Variants in SETBP1 observed in about 807,000 individuals in gnomAD.
SETBP1 encodes SET binding protein 1, also known as SET-binding protein.
Under a neutral mutation model 101.0 loss-of-function variants are expected in SETBP1, and 9 were observed. The ratio of observed to expected loss-of-function variants is 0.09; its 90% CI spans 0.05 to 0.16. SETBP1 has a LOEUF of 0.16. SETBP1 is among the 10% of genes least tolerant of loss of function. The pLI, the probability that SETBP1 is intolerant of heterozygous loss-of-function variation, is 1.00. For synonymous variants in SETBP1, 818 were observed against 788.5 expected, an observed-to-expected ratio of 1.04 and a Z score of -0.63; for missense variants, 1,858 against 2,033.8, an observed-to-expected ratio of 0.91 and a Z score of 1.66.
intron 2 of SETBP1, among the ~76,000 whole-genome samples, chr18:44,797,793 G>A (rs915680188): frequency 2.0e-5 from 3 of 151,782 alleles, no homozygotes; most frequent in South Asian, 2.1e-4. Context: ...TTCTTTTCTT[G>A]AGAACACAGC....
chr18:44,981,768 C>T lies in SETBP1; in HGVS notation c.4000+28428C>T, dbSNP rs568176924. Among the ~76,000 whole-genome samples, 13 of 152,274 alleles carry T rather than the reference C, an allele frequency of 8.5e-5. No homozygotes were observed. In the East Asian group the frequency reaches 2.1e-3, roughly 25 times the overall value. ...CCCTTTTGGTTGCTTCTTTTTCCCCCGCTTTTTCGTATGTCTAAAGAAGGC... is the reference window on the plus strand; with the variant it reads ...CCCTTTTGGTTGCTTCTTTTTCCCCTGCTTTTTCGTATGTCTAAAGAAGGC... On this transcript the variant is annotated intron_variant, in intron 4 of 5. Transcript: ENST00000649279.
chr18:44,932,009 T>G (rs2070847254), intron 3 of SETBP1, among the ~76,000 whole-genome samples: 1 of 152,214 alleles, frequency 6.6e-6, no homozygotes, highest in Non-Finnish European at 1.5e-5. Context: ...TTTTGCTTGT[T>G]AGTTGATGCA....
chr18:44,699,619 G>C (rs1239976228), intron 1 of SETBP1, among the ~76,000 whole-genome samples: 1 of 152,220 alleles, frequency 6.6e-6, no homozygotes, highest in East Asian at 1.9e-4. Context: ...CAGTGAAGAT[G>C]CTCATGCTCT....
intron 2 of SETBP1, among the ~76,000 whole-genome samples, chr18:44,843,500 G>T (rs891770312): frequency 6.6e-6 from 1 of 152,194 alleles, no homozygotes; most frequent in Non-Finnish European, 1.5e-5. Flanking sequence ...AGTCTCCTCA[G>T]TTGCTCCTCT....
At chr18:44,910,568 G>A (rs1023038065) in intron 3 of SETBP1, among the ~76,000 whole-genome samples, 4 of 152,104 alleles carry the variant, frequency 2.6e-5, no homozygotes, top group Non-Finnish European at 2.9e-5. Flanking sequence ...TCAGTGATAC[G>A]GGCCAGTGTC....
chr18:44,771,297 A>G (rs910242878), intron 2 of SETBP1, among the ~76,000 whole-genome samples: 5 of 147,472 alleles, frequency 3.4e-5, no homozygotes, highest in South Asian at 2.4e-4. Flanking sequence ...GTGAGCCCTC[A>G]CAGAGGCTGG....
intron 3 of SETBP1, among the ~76,000 whole-genome samples, chr18:44,901,875 A>C (rs2070054119): frequency 6.6e-6 from 1 of 152,178 alleles, no homozygotes; most frequent in South Asian, 2.1e-4. Flanking sequence ...ACTTTTTATT[A>C]AATTTCTTTC....
chr18:45,007,745 A>G (rs2072759337), intron 4 of SETBP1, among the ~76,000 whole-genome samples: 1 of 152,202 alleles, frequency 6.6e-6, no homozygotes, highest in Admixed American at 6.5e-5. Flanking sequence ...TCAGCTGGCC[A>G]TATTCTGTCT....
intron 4 of SETBP1, among the ~76,000 whole-genome samples, chr18:45,027,705 G>A (rs1179684264): frequency 6.6e-6 from 1 of 152,176 alleles, no homozygotes; most frequent in East Asian, 1.9e-4. Flanking sequence ...GGGCACCAAA[G>A]GAAGTGTTCT....
chr18:44,999,936 C>T (rs2072582145), intron 4 of SETBP1, among the ~76,000 whole-genome samples: 1 of 152,176 alleles, frequency 6.6e-6, no homozygotes, highest in Non-Finnish European at 1.5e-5. Flanking sequence ...GATGTTTAAT[C>T]AAAAGAAAGA....
At chr18:45,055,054 G>T (rs1039968172) in intron 5 of SETBP1, among the ~76,000 whole-genome samples, 6 of 152,128 alleles carry the variant, frequency 3.9e-5, no homozygotes, top group Non-Finnish European at 8.8e-5. Context: ...AAACAATCTA[G>T]CAGGAAATAT....
At chr18:45,046,701 G>T (rs1025056426) in intron 5 of SETBP1, among the ~76,000 whole-genome samples, 11 of 152,148 alleles carry the variant, frequency 7.2e-5, no homozygotes, top group African/African-American at 2.7e-4. Flanking sequence ...CTTGCATTGT[G>T]GCCAGAGTAT....
chr18:44,857,837 C>T (rs942198931), intron 2 of SETBP1, among the ~76,000 whole-genome samples: 3 of 152,108 alleles, frequency 2.0e-5, no homozygotes, highest in Non-Finnish European at 4.4e-5. Context: ...AGATCTAATC[C>T]ACATTTGACT....
At chr18:44,736,615 T>C (rs1279339118) in intron 2 of SETBP1, among the ~76,000 whole-genome samples, 2 of 152,230 alleles carry the variant, frequency 1.3e-5, no homozygotes, top group Non-Finnish European at 2.9e-5. Flanking sequence ...CTTTCCATTT[T>C]TCATGCTCCT....
chr18:45,022,292 G>A (rs372349511), intron 4 of SETBP1, among the ~76,000 whole-genome samples: 3 of 152,096 alleles, frequency 2.0e-5, no homozygotes, highest in East Asian at 1.9e-4. Context: ...CTGTAGTCTG[G>A]CCACACAAGA....
chr18:45,060,299 C>CT (rs2073871292), intron 5 of SETBP1, among the ~76,000 whole-genome samples: 1 of 152,130 alleles, frequency 6.6e-6, no homozygotes, highest in Non-Finnish European at 1.5e-5. Flanking sequence ...ATCTTCAACT[C>CT]TAACAGTTAT....
chr18:44,955,134 G>T (rs535630160), intron 4 of SETBP1, among the ~76,000 whole-genome samples: 1 of 152,192 alleles, frequency 6.6e-6, no homozygotes, highest in East Asian at 1.9e-4. Flanking sequence ...CTGTGGCCAG[G>T]CTGTGTTGCT....
intron 2 of SETBP1, among the ~76,000 whole-genome samples, chr18:44,734,748 G>T (rs894664950): frequency 7.9e-5 from 12 of 151,990 alleles, no homozygotes; most frequent in Non-Finnish European, 1.6e-4. Context: ...TCATTTCCTG[G>T]CAAAATGTGT....
intron 2 of SETBP1, among the ~76,000 whole-genome samples, chr18:44,867,865 G>A (rs1258955927): frequency 1.3e-5 from 2 of 152,228 alleles, no homozygotes; most frequent in Non-Finnish European, 2.9e-5. Context: ...GAGCTTTTCT[G>A]AAGGCTGGAG....
Sources: gnomAD v4.1 joint callset for allele counts (sites outside exome capture counted in the v4.1 genomes callset) on GRCh38, gnomAD v4.1.1 for gene constraint, MANE v1.5 for transcripts, NCBI Gene and HGNC (gene_info 2026-07-23, HGNC 2026-07-21) for gene names.